ANKRD29: variants seen among roughly 807,000 people sequenced by gnomAD.
ANKRD29 encodes ankyrin repeat domain-containing protein 29.
In ANKRD29, 32 loss-of-function variants were observed where a neutral mutation model predicts 38.0. The observed-to-expected ratio is 0.84, with a 90% CI of 0.64 to 1.13. The LOEUF is 1.13. Among genes scored for constraint, ANKRD29 ranks in the 50% most tolerant of loss-of-function variants. The pLI, the probability that ANKRD29 is intolerant of heterozygous loss-of-function variation, is 0.00. For missense variants in ANKRD29, 357 were observed against 377.9 expected (o/e 0.94, Z 0.46); for synonymous variants, 135 against 152.4 (o/e 0.89, Z 0.84).
Position 23,599,945 on chromosome 18 carries a change from A to G in ANKRD29, c.*1281T>C, listed in dbSNP as rs2059492773. 6.6e-6 allele frequency: 1 copy of G among 152,236 alleles called. No homozygotes were observed. Among genetic ancestry groups the G allele is most frequent in the Non-Finnish European group, 1.5e-5 (1 of 68,038 alleles). The allele number at this position is 152,236 out of a possible 1,614,324, so 9.4% of individuals were successfully genotyped here. On this transcript the variant is annotated 3_prime_UTR_variant, in exon 10 of 10. Coordinates refer to ENST00000592179, the MANE Select transcript of ANKRD29 (RefSeq NM_173505.4). ...TTTTGGGATTACAACATTTTCCTCTAAAAGTGTCTTTACATAGACACTGAC... is the reference window on the plus strand; with the variant it reads ...TTTTGGGATTACAACATTTTCCTCTGAAAGTGTCTTTACATAGACACTGAC...
chr18:23,651,188 T>A (rs913138981), intron 1 of ANKRD29, among the ~76,000 whole-genome samples: 1 of 152,164 alleles, frequency 6.6e-6, no homozygotes, highest in Non-Finnish European at 1.5e-5. Context: ...AATGAGAGAA[T>A]GGCAGGGTGG....
intron 6 of ANKRD29, 122 bp from the exon 7 acceptor site, chr18:23,619,751 A>G: frequency 1.3e-6 from 1 of 757,276 alleles, no homozygotes; most frequent in Admixed American, 3.1e-5. Context: ...CTGACCGCAG[A>G]TCACACTCTG....
intron 5 of ANKRD29, 78 bp from the exon 6 acceptor site, chr18:23,630,029 G>T: frequency 1.7e-6 from 2 of 1,190,568 alleles, no homozygotes; most frequent in Non-Finnish European, 2.4e-6. Flanking sequence ...CGGGTGCAGT[G>T]GCTCATGCCT....
chr18:23,660,305 T>C (rs1360343925), intron 1 of ANKRD29, among the ~76,000 whole-genome samples: 3 of 152,250 alleles, frequency 2.0e-5, no homozygotes, highest in Non-Finnish European at 4.4e-5. Context: ...TGGCTAATAA[T>C]GTTAAGCATC....
intron 3 of ANKRD29, among the ~76,000 whole-genome samples, chr18:23,642,070 C>T (rs570824385): frequency 2.0e-5 from 3 of 152,152 alleles, no homozygotes; most frequent in Non-Finnish European, 4.4e-5. Flanking sequence ...TTTGGGTCTC[C>T]TGGGAGGTGT....
chr18:23,614,011 C>T (rs754475099), intron 8 of ANKRD29, among the ~76,000 whole-genome samples: 7 of 152,160 alleles, frequency 4.6e-5, no homozygotes, highest in African/African-American at 1.7e-4. Context: ...GGATTACAAG[C>T]GTGAGCCAGT....
chr18:23,630,125 C>T (rs1276497818), intron 5 of ANKRD29, among the ~76,000 whole-genome samples, 174 bp from the exon 6 acceptor site: 8 of 152,060 alleles, frequency 5.3e-5, no homozygotes, highest in South Asian at 4.1e-4. Flanking sequence ...CCCGTCTCTG[C>T]TAAAAACACA....
rs1348256008 is a variant in ANKRD29 at position 23,600,219 on chromosome 18, T to G, written c.*1007A>C. ...GAATCAGTCAACTCAAAAACATGCA[T>G]AGATGAAGACTTACTAAGTGCTAAT... On this transcript the variant is annotated 3_prime_UTR_variant, in exon 10 of 10. Coordinates refer to ENST00000592179, the MANE Select transcript of ANKRD29 (RefSeq NM_173505.4). 6.6e-6 allele frequency: 1 copy of G among 152,526 alleles called. No individual in the cohort carries two copies. Among genetic ancestry groups the G allele is most frequent in the Admixed American group, 6.6e-5 (1 of 15,266 alleles). 9.4% of individuals were successfully genotyped at this position (152,526 alleles called of 1,614,324 possible).
chr18:23,643,537 G>T (rs897967514), intron 3 of ANKRD29, among the ~76,000 whole-genome samples: 1 of 152,182 alleles, frequency 6.6e-6, no homozygotes, highest in Admixed American at 6.5e-5. Context: ...TATTAGAGCA[G>T]TTTGAGCTGA....
intron 1 of ANKRD29, among the ~76,000 whole-genome samples, chr18:23,654,282 AT>A (rs1474056605): frequency 1.4e-4 from 9 of 63,204 alleles, no homozygotes; most frequent in African/African-American, 2.1e-4. Flanking sequence ...TCCACAAAAA[AT>A]AAATAAATAA....
chr18:23,617,277 T>TAA (rs2059736138), intron 8 of ANKRD29, among the ~76,000 whole-genome samples: 1 of 152,084 alleles, frequency 6.6e-6, no homozygotes, highest in Non-Finnish European at 1.5e-5. Context: ...TTTGGCTCTG[T>TAA]TTTTTAGGTG....
chr18:23,611,086 T>A (rs1189496086), intron 9 of ANKRD29, among the ~76,000 whole-genome samples: 5 of 152,226 alleles, frequency 3.3e-5, no homozygotes, highest in Non-Finnish European at 5.9e-5. Flanking sequence ...GACAATCATT[T>A]AAAAAAATTC....
At chr18:23,645,530 C>T (rs558332702) in intron 3 of ANKRD29, among the ~76,000 whole-genome samples, 25 of 152,188 alleles carry the variant, frequency 1.6e-4, no homozygotes, top group Non-Finnish European at 2.9e-4. Context: ...GCCGAGGTTG[C>T]GCCATTGCAC....
At chr18:23,603,128 C>G (rs1244749972) in intron 9 of ANKRD29, among the ~76,000 whole-genome samples, 1 of 152,292 alleles carries the variant, frequency 6.6e-6, no homozygotes. Context: ...TTCTCTGATG[C>G]CACATCAATA....
chr18:23,602,288 C>T lies in ANKRD29; in HGVS notation c.823-979G>A, dbSNP rs1423136958. 5.3e-5 allele frequency among the ~76,000 whole-genome samples: 8 copies of T among 152,102 alleles called. No individual in the cohort carries two copies. In the East Asian group the frequency reaches 5.8e-4, roughly 11 times the overall value. On this transcript the variant is annotated intron_variant, in intron 9 of 9. Coordinates refer to ENST00000592179, the MANE Select transcript of ANKRD29 (RefSeq NM_173505.4). ...TGACCTCAAGTGATCCGCCCGCCTC[C>T]GCCTCCCAAGGTGCTGGGATTACAG...
At chr18:23,651,266 A>G (rs2060207593) in intron 1 of ANKRD29, among the ~76,000 whole-genome samples, 1 of 152,166 alleles carries the variant, frequency 6.6e-6, no homozygotes, top group South Asian at 2.1e-4. Context: ...GAAAAAAATC[A>G]CCTCCAATTT....
Position 23,621,171 on chromosome 18 carries a change from G to T in ANKRD29, c.529-1542C>A, listed in dbSNP as rs142663413. Among the ~76,000 whole-genome samples, 8 of 152,330 alleles carry T rather than the reference G, an allele frequency of 5.3e-5. No individual in the cohort carries two copies. In the East Asian group the frequency reaches 1.5e-3, roughly 29 times the overall value. The stretch of plus-strand genomic sequence containing the variant: ...GTAATTATGGTAATATGCCCCAAGA[G>T]ACTGTTTTAGCCAGATAAGACTGAA... On this transcript the variant is annotated intron_variant, in intron 6 of 9. Coordinates refer to ENST00000592179, the MANE Select transcript of ANKRD29 (RefSeq NM_173505.4).
At chr18:23,644,491 C>T (rs2060114542) in intron 3 of ANKRD29, among the ~76,000 whole-genome samples, 1 of 152,204 alleles carries the variant, frequency 6.6e-6, no homozygotes, top group African/African-American at 2.4e-5. Context: ...GTGAAAATGA[C>T]CTCAAACAAC....
chr18:23,608,713 A>C (rs2059602637), intron 9 of ANKRD29, among the ~76,000 whole-genome samples: 1 of 152,232 alleles, frequency 6.6e-6, no homozygotes, highest in Non-Finnish European at 1.5e-5. Context: ...AACTTTGGGA[A>C]GGAATTCAGC....
Sources: allele counts gnomAD v4.1 joint callset (sites outside exome capture counted in the v4.1 genomes callset), GRCh38; gene constraint gnomAD v4.1.1; transcripts MANE v1.5; gene names NCBI Gene and HGNC (gene_info 2026-07-23, HGNC 2026-07-21).